Variants in CLHC1 observed in about 807,000 individuals in gnomAD.
CLHC1 encodes clathrin heavy chain linker domain-containing protein 1.
A neutral mutation model predicts 69.5 loss-of-function variants in CLHC1; 72 were observed. The ratio of observed to expected loss-of-function variants is 1.04; its 90% CI spans 0.86 to 1.26. The LOEUF (loss-of-function observed/expected upper bound fraction) is 1.26, where lower values mean the gene tolerates loss of function less well. CLHC1 is among the 50% of genes most tolerant of loss of function. CLHC1 has a pLI of 0.00. For synonymous variants in CLHC1, 223 were observed against 224.3 expected, an observed-to-expected ratio of 0.99 and a Z score of 0.05; for missense variants, 790 against 679.3, an observed-to-expected ratio of 1.16 and a Z score of -1.81.
intron 11 of CLHC1, among the ~76,000 whole-genome samples, chr2:55,178,724 G>A (rs1669638942): frequency 6.6e-6 from 1 of 151,908 alleles, no homozygotes. Flanking sequence ...CCACAATAGA[G>A]GTAATTTTCA....
intron 9 of CLHC1, among the ~76,000 whole-genome samples, chr2:55,182,542 A>G (rs1464960544): frequency 1.3e-5 from 2 of 152,178 alleles, no homozygotes; most frequent in African/African-American, 2.4e-5. Flanking sequence ...ATTTACCACC[A>G]TATCTTATTT....
chr2:55,193,463 A>G (rs1353155765), intron 9 of CLHC1, among the ~76,000 whole-genome samples: 1 of 152,166 alleles, frequency 6.6e-6, no homozygotes, highest in Non-Finnish European at 1.5e-5. Flanking sequence ...CACAAAAAAC[A>G]CAATTTACAA....
chr2:55,188,480 A>C (rs555289023), intron 9 of CLHC1, among the ~76,000 whole-genome samples: 1 of 152,304 alleles, frequency 6.6e-6, no homozygotes, highest in East Asian at 1.9e-4. Context: ...GAACATAGGA[A>C]ATCGCATACG....
intron 9 of CLHC1, among the ~76,000 whole-genome samples, chr2:55,201,737 C>G (rs1349340953): frequency 6.6e-6 from 1 of 152,064 alleles, no homozygotes; most frequent in Non-Finnish European, 1.5e-5. Context: ...GTCAATAATT[C>G]TGATAAACAT....
chr2:55,212,084 G>T (rs1000479019), intron 5 of CLHC1, among the ~76,000 whole-genome samples: 1 of 152,086 alleles, frequency 6.6e-6, no homozygotes, highest in Non-Finnish European at 1.5e-5. Flanking sequence ...TGAGACCAGC[G>T]TGGACAACAT....
chr2:55,194,049 A>G (rs1671172404), intron 9 of CLHC1, among the ~76,000 whole-genome samples: 2 of 152,122 alleles, frequency 1.3e-5, no homozygotes, highest in Non-Finnish European at 2.9e-5. Flanking sequence ...CATTCACACA[A>G]AAGGACCAAA....
rs1400563240 is a variant in CLHC1 at position 55,206,331 on chromosome 2, A to G, written c.945T>C (p.Cys315=). 2 of 1,611,488 alleles carry G rather than the reference A, an allele frequency of 1.2e-6. No individual in the cohort carries two copies. The highest frequency in any genetic ancestry group is 2.2e-5 in the South Asian group (2 of 91,040). Reference sequence around the variant, plus strand: ...TTCTTCTAGGACTGTTTGCTGCATAACAAGCTGCCTTTTCATATTCACCAA... The same window carrying G: ...TTCTTCTAGGACTGTTTGCTGCATAGCAAGCTGCCTTTTCATATTCACCAA... ...ISLGEYEKAA[C]YAANSPRRIL... is the part of the protein sequence containing the mutation. Residue 315 remains cysteine, a synonymous_variant, in exon 9 of 13, where the codon TGT becomes TGC. Coordinates refer to ENST00000401408, the MANE Select transcript of CLHC1 (RefSeq NM_152385.4).
rs1370410151 is a variant in CLHC1 at position 55,173,200 on chromosome 2, CG to C, written c.*2589del. On this transcript the variant is annotated 3_prime_UTR_variant, in exon 13 of 13. Coordinates refer to ENST00000401408, the MANE Select transcript of CLHC1 (RefSeq NM_152385.4). The stretch of plus-strand genomic sequence containing the variant: ...AGCAAGACCTAATAGAACACATGAA[CG>C]TTGGTTAAATCTTCATTGGAACAAT... Among the ~76,000 whole-genome samples the C allele has an allele frequency of 7.2e-5, 11 of 152,114 alleles. No homozygotes were observed. Among genetic ancestry groups the C allele is most frequent in the African/African-American group, 2.4e-4 (10 of 41,412 alleles).
intron 9 of CLHC1, among the ~76,000 whole-genome samples, chr2:55,186,631 G>A (rs13019503): frequency 6.6e-6 from 1 of 151,930 alleles, no homozygotes; most frequent in Non-Finnish European, 1.5e-5. Flanking sequence ...AGGCATGGTG[G>A]GTATGCCTAT....
At chr2:55,231,419 C>G (rs747588864) in intron 1 of CLHC1, among the ~76,000 whole-genome samples, 2 of 152,034 alleles carry the variant, frequency 1.3e-5, no homozygotes, top group African/African-American at 4.8e-5. Flanking sequence ...GAATGTCATT[C>G]TAAGAAATTT....
intron 4 of CLHC1, among the ~76,000 whole-genome samples, chr2:55,217,552 AATATATATATATATATAT>A (rs781577612): frequency 5.6e-4 from 24 of 43,162 alleles, no homozygotes; most frequent in African/African-American, 2.1e-3. Flanking sequence ...AAAAAAAAAA[AATATATATATATATATAT>A]ATATATATAT....
Position 55,222,289 on chromosome 2 carries a change from A to C in CLHC1, c.123T>G (p.Ser41Arg). The C allele has an allele frequency of 6.2e-7, 1 of 1,613,706 alleles. No homozygotes were observed. The highest frequency in any genetic ancestry group is 1.1e-5 in the South Asian group (1 of 91,050). Residue 41 changes from serine to arginine, a missense_variant, in exon 3 of 13, where the codon AGT becomes AGG. Ser to Arg is a moderately radical substitution (Grantham distance 110, BLOSUM62 -1). Transcript: ENST00000401408. ...AATATTCATCAGCAGGTCCTTCCTC[A>C]CTACAGCCCAGTCTTTCAGTTTCTG... is the stretch of plus-strand genomic sequence containing the variant. ...IITETERLGCSEEGPADEYYI... is the reference protein window; with the variant it reads ...IITETERLGCREEGPADEYYI...
chr2:55,200,976 GAAAC>G (rs2103865818), intron 9 of CLHC1, among the ~76,000 whole-genome samples: 1 of 152,128 alleles, frequency 6.6e-6, no homozygotes, highest in African/African-American at 2.4e-5. Flanking sequence ...GAGATTTCTT[GAAAC>G]AAACAATAAT....
chr2:55,191,138 A>C (rs1670888432), intron 9 of CLHC1, among the ~76,000 whole-genome samples: 1 of 152,262 alleles, frequency 6.6e-6, no homozygotes, highest in South Asian at 2.1e-4. Context: ...TCAAAAGCGA[A>C]GGTAAAATGT....
chr2:55,176,006 T>C lies in CLHC1; in HGVS notation c.1565-20A>G. 2 of 1,573,140 alleles carry C rather than the reference T, an allele frequency of 1.3e-6. No individual in the cohort carries two copies. The highest frequency in any genetic ancestry group is 1.1e-5 in the South Asian group (1 of 89,922). Reference sequence around the variant, plus strand: ...CTGCATCTGTGGGGAAAAAATACAATATTATAGTATGGCACTTATTTGATA... The same window carrying C: ...CTGCATCTGTGGGGAAAAAATACAACATTATAGTATGGCACTTATTTGATA... On this transcript the variant is annotated intron_variant, in intron 12 of 12. Coordinates refer to ENST00000401408, the MANE Select transcript of CLHC1 (RefSeq NM_152385.4).
intron 9 of CLHC1, among the ~76,000 whole-genome samples, chr2:55,190,436 A>G (rs764032846): frequency 2.2e-4 from 33 of 152,196 alleles, no homozygotes; most frequent in Non-Finnish European, 3.7e-4. Flanking sequence ...AATGTAATAA[A>G]TCAAAATTGA....
At chr2:55,217,420 G>T (rs931524883) in intron 4 of CLHC1, among the ~76,000 whole-genome samples, 1 of 147,544 alleles carries the variant, frequency 6.8e-6, no homozygotes, top group Non-Finnish European at 1.5e-5. Flanking sequence ...CTATTCAGGA[G>T]GCTGAGGCAA....
At chr2:55,200,642 A>T (rs1671862172) in intron 9 of CLHC1, among the ~76,000 whole-genome samples, 1 of 152,196 alleles carries the variant, frequency 6.6e-6, no homozygotes, top group African/African-American at 2.4e-5. Flanking sequence ...AAATCAACAC[A>T]GAATCATCAG....
chr2:55,222,404 A>G lies in CLHC1; in HGVS notation c.8T>C (p.Val3Ala), dbSNP rs763519431. 4 of 1,613,080 alleles carry G rather than the reference A, an allele frequency of 2.5e-6. No homozygotes were observed. Among genetic ancestry groups the G allele is most frequent in the East Asian group, 2.2e-5 (1 of 44,834 alleles). MS[V>A]HQIRKHAVLP... is the part of the protein sequence containing the mutation. ...AACTGCATGTTTTCTTATTTGATGAACTGACATATTTGACAATCTGCACAC... is the reference window on the plus strand; with the variant it reads ...AACTGCATGTTTTCTTATTTGATGAGCTGACATATTTGACAATCTGCACAC... Residue 3 changes from valine (V) to alanine (A), a missense_variant, in exon 3 of 13, where the codon GTT (valine) becomes GCT (alanine). Val to Ala is a moderately conservative substitution (Grantham distance 64). Coordinates refer to ENST00000401408, the MANE Select transcript of CLHC1 (RefSeq NM_152385.4).
Sources: gnomAD v4.1 joint callset for allele counts (sites outside exome capture counted in the v4.1 genomes callset) on GRCh38, gnomAD v4.1.1 for gene constraint, MANE v1.5 for transcripts, NCBI Gene and HGNC (gene_info 2026-07-23, HGNC 2026-07-21) for gene names.